CSMD1: variants seen among roughly 807,000 people sequenced by gnomAD.
CSMD1 encodes the protein CUB and Sushi multiple domains 1.
A neutral mutation model predicts 417.5 loss-of-function variants in CSMD1; 213 were observed. The ratio of observed to expected loss-of-function variants is 0.51; its 90% confidence interval spans 0.46 to 0.57. CSMD1 has a LOEUF of 0.57. Ranked by LOEUF, CSMD1 falls within the 20% of genes least tolerant of loss-of-function variation. The pLI, the probability that CSMD1 is intolerant of heterozygous loss-of-function variation, is 0.00. For missense variants in CSMD1, 6,923 were observed against 4,529.7 expected (o/e 1.53, Z -15.17); for synonymous variants, 2,862 against 1,736.8 (o/e 1.65, Z -16.11).
At chr8:3,326,621 T>G (rs1463626774) in intron 23 of CSMD1, among the ~76,000 whole-genome samples, 21 of 152,250 alleles carry the variant, frequency 1.4e-4, no homozygotes, top group Admixed American at 1.4e-3. Context: ...ATTGTATGTT[T>G]GCATTCCCAG....
intron 69 of CSMD1, among the ~76,000 whole-genome samples, chr8:2,942,270 G>A (rs1801925372): frequency 6.6e-6 from 1 of 151,736 alleles, no homozygotes. Context: ...GACCACCCCG[G>A]CTTACATTTA....
chr8:2,951,037 T>G lies in CSMD1; in HGVS notation c.10201+77A>C, dbSNP rs6994346. 2.1e-3 allele frequency: 3,106 copies of G among 1,453,344 alleles called. 43 individuals carry two copies. In the African/African-American group the frequency reaches 0.039, roughly 18 times the overall value. The allele number at this position is 1,453,344 out of a possible 1,614,324, so 90.0% of individuals were successfully genotyped here. On this transcript the variant is annotated intron_variant, in intron 66 of 69. Transcript: ENST00000635120. ...ACAGTAATAAGTACTTAATACTTAC[T>G]AGATCACCTCTCTGTGAAAAGATAA... is the stretch of plus-strand genomic sequence containing the variant.
rs553954736 is a variant in CSMD1 at position 3,289,598 on chromosome 8, G to T, written c.3951-5252C>A. Among the ~76,000 whole-genome samples, 15 of 144,998 alleles carry T rather than the reference G, an allele frequency of 1.0e-4. 2 individuals are homozygous for T. The highest frequency in any genetic ancestry group is 4.0e-4 in the African/African-American group (14 of 34,930). On this transcript the variant is annotated intron_variant, in intron 25 of 69. Transcript: ENST00000635120. ...CCGGTGATGATGAGCATTTTTTCAT[G>T]TGTCTTTTGGCTGCATAAATGTCTT...
At chr8:4,640,613 G>A (rs764766126) in intron 1 of CSMD1, among the ~76,000 whole-genome samples, 10 of 152,110 alleles carry the variant, frequency 6.6e-5, no homozygotes, top group African/African-American at 1.4e-4. Flanking sequence ...TAAGCTTAAT[G>A]TAAATGATGT....
At chr8:3,521,856 T>C (rs931039179) in intron 10 of CSMD1, among the ~76,000 whole-genome samples, 1 of 152,224 alleles carries the variant, frequency 6.6e-6, no homozygotes, top group African/African-American at 2.4e-5. Flanking sequence ...TACTATCTAT[T>C]CTAATACCGC....
At chr8:4,354,545 C>T (rs1801286765) in intron 3 of CSMD1, among the ~76,000 whole-genome samples, 1 of 152,136 alleles carries the variant, frequency 6.6e-6, no homozygotes, top group South Asian at 2.1e-4. Context: ...AAGCTGGTGG[C>T]TGCATTAGCA....
At chr8:3,316,118 G>C (rs1250187941) in intron 23 of CSMD1, among the ~76,000 whole-genome samples, 1 of 152,126 alleles carries the variant, frequency 6.6e-6, no homozygotes, top group Non-Finnish European at 1.5e-5. Flanking sequence ...CACCTACATG[G>C]ATGAACTGAA....
chr8:3,118,436 G>T lies in CSMD1; in HGVS notation c.6393C>A (p.Ile2131=). Residue 2131 remains isoleucine, a synonymous_variant, in exon 42 of 70, where the codon ATC becomes ATA. Transcript: ENST00000635120. ...GAAAAGGGTAGTTCCAGTTTCTGTT[G>T]ATCCCATGCTGACAAGTGAGGACAG... is the stretch of plus-strand genomic sequence containing the variant. ...GHPVLTCQHG[I]NRNWNYPFPR... 2 of 1,613,642 alleles carry T rather than the reference G, an allele frequency of 1.2e-6. No homozygotes were observed. The highest frequency in any genetic ancestry group is 1.3e-5 in the African/African-American group (1 of 75,004).
intron 1 of CSMD1, among the ~76,000 whole-genome samples, chr8:4,939,169 C>T (rs10103249): frequency 2.7e-3 from 413 of 152,104 alleles, no homozygotes; most frequent in African/African-American, 9.1e-3. Context: ...ATTTTTGCTT[C>T]TTGGGGAAAA....
chr8:3,679,482 T>G (rs1351950095), intron 7 of CSMD1, among the ~76,000 whole-genome samples: 2 of 152,130 alleles, frequency 1.3e-5, no homozygotes, highest in Admixed American at 6.6e-5. Context: ...CAAGAAGAGC[T>G]AACTATCCTA....
intron 1 of CSMD1, among the ~76,000 whole-genome samples, chr8:4,906,802 C>T (rs1805311824): frequency 2.0e-5 from 3 of 152,314 alleles, no homozygotes; most frequent in Admixed American, 6.5e-5. Context: ...TCGTGATCTG[C>T]CTGCCTCGGC....
chr8:3,321,147 C>G (rs971591655), intron 23 of CSMD1, among the ~76,000 whole-genome samples: 7 of 152,110 alleles, frequency 4.6e-5, no homozygotes, highest in Admixed American at 6.5e-5. Context: ...CACCCACCAT[C>G]AGGTGGGTCG....
chr8:4,374,216 C>T (rs1584976116), intron 3 of CSMD1, among the ~76,000 whole-genome samples: 1 of 152,140 alleles, frequency 6.6e-6, no homozygotes, highest in Non-Finnish European at 1.5e-5. Context: ...GAAGGATTAA[C>T]AGCAGTCCCC....
chr8:3,546,756 TTG>T (rs1244395783), intron 10 of CSMD1, among the ~76,000 whole-genome samples: 1 of 152,170 alleles, frequency 6.6e-6, no homozygotes, highest in Non-Finnish European at 1.5e-5. Flanking sequence ...GCCTGCACAG[TTG>T]TGTTTCATGA....
chr8:4,034,139 T>C (rs530041054), intron 3 of CSMD1, among the ~76,000 whole-genome samples: 4 of 152,364 alleles, frequency 2.6e-5, no homozygotes, highest in African/African-American at 9.6e-5. Context: ...TTTATTAGTT[T>C]TTAAACTGAG....
intron 3 of CSMD1, among the ~76,000 whole-genome samples, chr8:4,177,911 C>T (rs188774647): frequency 4.4e-4 from 67 of 152,002 alleles, no homozygotes; most frequent in Non-Finnish European, 8.5e-4. Flanking sequence ...AGACCAATAA[C>T]AGGATCTGAA....
intron 2 of CSMD1, among the ~76,000 whole-genome samples, chr8:4,453,924 G>GGC (rs1563192346): frequency 7.2e-6 from 1 of 139,236 alleles, no homozygotes; most frequent in African/African-American, 2.7e-5. Flanking sequence ...CAGGTTCACA[G>GGC]CATTCTCCTG....
intron 7 of CSMD1, among the ~76,000 whole-genome samples, chr8:3,627,966 C>A (rs7004692): frequency 6.6e-6 from 1 of 151,918 alleles, no homozygotes; most frequent in Admixed American, 6.6e-5. Context: ...CTTCACACTT[C>A]GCTAATATTT....
At chr8:4,279,338 A>C (rs1291539870) in intron 3 of CSMD1, among the ~76,000 whole-genome samples, 1 of 152,214 alleles carries the variant, frequency 6.6e-6, no homozygotes, top group Non-Finnish European at 1.5e-5. Flanking sequence ...ACAAGACTAG[A>C]CAGATACAGG....
Sources: gnomAD v4.1 joint callset for allele counts (sites outside exome capture counted in the v4.1 genomes callset) on GRCh38, gnomAD v4.1.1 for gene constraint, MANE v1.5 for transcripts, NCBI Gene and HGNC (gene_info 2026-07-23, HGNC 2026-07-21) for gene names.